Variants in KIF13B observed in about 807,000 individuals in gnomAD.
KIF13B encodes kinesin-like protein KIF13B.
In KIF13B, 127 loss-of-function variants were observed where a neutral mutation model predicts 222.0. The observed-to-expected ratio is 0.57, with a 90% CI of 0.50 to 0.66. The LOEUF is 0.66. KIF13B is among the 30% of genes least tolerant of loss of function. The pLI, the probability that KIF13B is intolerant of heterozygous loss-of-function variation, is 0.00. For missense variants in KIF13B, 2,173 were observed against 2,379.0 expected (o/e 0.91, Z 1.80); for synonymous variants, 976 against 919.0 (o/e 1.06, Z -1.12).
chr8:29,239,618 G>C (rs1054257918), intron 2 of KIF13B, among the ~76,000 whole-genome samples: 1 of 152,092 alleles, frequency 6.6e-6, no homozygotes, highest in Non-Finnish European at 1.5e-5. Flanking sequence ...ATCAACAAAA[G>C]CCCAAACCTC....
chr8:29,190,428 C>A (rs891243207), intron 4 of KIF13B: 1 of 153,148 alleles, frequency 6.5e-6, no homozygotes, highest in Non-Finnish European at 1.5e-5. Context: ...CTCATCCACA[C>A]GCCGGGAGGG....
At chr8:29,147,228 C>G (rs148303829) in intron 17 of KIF13B, among the ~76,000 whole-genome samples, 164 bp downstream of exon 17, 161 of 152,330 alleles carry the variant, frequency 1.1e-3, no homozygotes, top group African/African-American at 3.8e-3. Context: ...GGCAATTCCC[C>G]TTTTAAAAAC....
chr8:29,235,533 A>T (rs1196162610), intron 2 of KIF13B, among the ~76,000 whole-genome samples: 1 of 152,240 alleles, frequency 6.6e-6, no homozygotes, highest in Non-Finnish European at 1.5e-5. Flanking sequence ...GAACCACTGC[A>T]ATCAATCAAG....
At chr8:29,094,758 C>G (rs983963065) in intron 36 of KIF13B, among the ~76,000 whole-genome samples, 2 of 152,044 alleles carry the variant, frequency 1.3e-5, no homozygotes, top group African/African-American at 4.8e-5. Context: ...GCTTTCTTAA[C>G]CAAGTCCAAA....
intron 37 of KIF13B, among the ~76,000 whole-genome samples, chr8:29,078,127 C>CAAAAAAAAAAAAAAAAAAA (rs10530503): frequency 1.3e-5 from 1 of 74,302 alleles, no homozygotes; most frequent in African/African-American, 6.0e-5. Context: ...TACTAAAATC[C>CAAAAAAAAAAAAAAAAAAA]AAAAAAAAAA....
intron 37 of KIF13B, among the ~76,000 whole-genome samples, chr8:29,079,318 G>A (rs912602650): frequency 4.6e-5 from 7 of 152,148 alleles, no homozygotes; most frequent in Non-Finnish European, 5.9e-5. Flanking sequence ...AGGGAGCAGC[G>A]CCCACCGGCT....
intron 2 of KIF13B, among the ~76,000 whole-genome samples, chr8:29,228,043 G>GTT (rs370060157): frequency 1.4e-5 from 2 of 145,952 alleles, no homozygotes; most frequent in African/African-American, 2.5e-5. Flanking sequence ...TTATAATTTG[G>GTT]TTTTTTTTTT....
At chr8:29,262,796 G>A (rs1303899525) in intron 1 of KIF13B, among the ~76,000 whole-genome samples, 184 bp downstream of exon 1, 1 of 151,184 alleles carries the variant, frequency 6.6e-6, no homozygotes, top group Non-Finnish European at 1.5e-5. Flanking sequence ...GGGGGGAAGG[G>A]AGGGGAGAAG....
At chr8:29,194,485 T>C (rs555463613) in intron 3 of KIF13B, among the ~76,000 whole-genome samples, 57 of 152,268 alleles carry the variant, frequency 3.7e-4, no homozygotes, top group African/African-American at 1.1e-3. Context: ...GGTGCTAGGA[T>C]TCCAGCCCAC....
chr8:29,093,258 C>A (rs984402804), intron 36 of KIF13B, among the ~76,000 whole-genome samples: 10 of 152,140 alleles, frequency 6.6e-5, no homozygotes, highest in Non-Finnish European at 5.9e-5. Context: ...TTTGTCTAGA[C>A]TTTAAGCTCT....
intron 31 of KIF13B, among the ~76,000 whole-genome samples, chr8:29,116,038 T>C (rs1809579995): frequency 6.6e-6 from 1 of 152,214 alleles, no homozygotes; most frequent in African/African-American, 2.4e-5. Flanking sequence ...CGTATCTACC[T>C]ACACAAATCA....
At position 29,177,502 on chromosome 8, in the gene KIF13B, G is replaced by A; in HGVS notation, c.797C>T (p.Ala266Val). 1 of 1,613,620 alleles carries A rather than the reference G, an allele frequency of 6.2e-7. No individual in the cohort carries two copies. The highest frequency in any genetic ancestry group is 8.5e-7 in the Non-Finnish European group (1 of 1,179,572). ...GSERATKTGA[A>V]GDRLKEGSNI... is the part of the protein sequence containing the mutation. ...GCTCCCTTCCTTCAGCCTGTCCCCT[G>A]CAGCGCCTGTCTTCGTTGCTCGTTC... The change falls in exon 9 of 40, where the codon GCA becomes GTA. Residue 266 changes from alanine to valine, a missense_variant. By Grantham distance (64) the Ala-to-Val change is moderately conservative (BLOSUM62 0). This residue lies in a region of KIF13B where 1,480 missense variants were observed against 1,722.8 expected (regional missense o/e 0.86). Transcript: ENST00000524189.
chr8:29,173,409 C>T (rs915202164), intron 10 of KIF13B, among the ~76,000 whole-genome samples: 3 of 151,294 alleles, frequency 2.0e-5, no homozygotes, highest in African/African-American at 4.9e-5. Context: ...ATGCTCAAGG[C>T]CAGGAGTTCA....
intron 35 of KIF13B, among the ~76,000 whole-genome samples, chr8:29,106,992 CG>C (rs2133599952): frequency 6.6e-6 from 1 of 152,262 alleles, no homozygotes; most frequent in South Asian, 2.1e-4. Context: ...GCACAAACTA[CG>C]ATGTGTGGTG....
At chr8:29,111,293 G>T (rs1809344197) in intron 32 of KIF13B, among the ~76,000 whole-genome samples, 2 of 152,244 alleles carry the variant, frequency 1.3e-5, no homozygotes, top group Admixed American at 1.3e-4. Flanking sequence ...GGAGGGAACA[G>T]ATATTATCCT....
intron 6 of KIF13B, among the ~76,000 whole-genome samples, chr8:29,183,096 G>A (rs1812779245): frequency 6.6e-6 from 1 of 150,544 alleles, no homozygotes; most frequent in African/African-American, 2.4e-5. Flanking sequence ...TTTAAATCAC[G>A]AATGTGTGTC....
intron 10 of KIF13B, among the ~76,000 whole-genome samples, chr8:29,172,626 A>C (rs1441126859): frequency 6.6e-6 from 1 of 152,246 alleles, no homozygotes; most frequent in Non-Finnish European, 1.5e-5. Flanking sequence ...ACCTTTGATA[A>C]GAAGAGCACA....
rs111484378 is a variant in KIF13B, at chr8:29,118,610, G to C, written c.3660+258C>G. Among the ~76,000 whole-genome samples, 1,256 of 152,300 alleles carry C rather than the reference G, an allele frequency of 8.2e-3. 13 individuals carry two copies. The highest frequency in any genetic ancestry group is 0.028 in the African/African-American group (1,161 of 41,546). ...TCTCACTGGTTGAGGAACAGAGAGA[G>C]CCTCAAGCTCCTGACCGCTGCTGAT... On this transcript the variant is annotated intron_variant, in intron 30 of 39. Transcript: ENST00000524189.
intron 19 of KIF13B, 84 bp downstream of exon 19, chr8:29,142,073 A>G (rs538625819): frequency 1.8e-6 from 2 of 1,117,632 alleles, no homozygotes; most frequent in African/African-American, 3.1e-5. Context: ...AAAAAGAACA[A>G]TTTTCCCCTG....
Sources: allele counts gnomAD v4.1 joint callset (sites outside exome capture counted in the v4.1 genomes callset), GRCh38; gene constraint gnomAD v4.1.1; regional missense constraint gnomAD v4.1.1; transcripts MANE v1.5; gene names NCBI Gene and HGNC (gene_info 2026-07-23, HGNC 2026-07-21).